Variants in NOMO2 observed in about 807,000 individuals in gnomAD.
NOMO2 encodes NODAL modulator 2, also known as BOS complex subunit NOMO2.
In NOMO2, 14 loss-of-function variants were observed where a neutral mutation model predicts 67.1. The observed-to-expected ratio is 0.21, with a 90% CI of 0.14 to 0.33. The LOEUF (loss-of-function observed/expected upper bound fraction) is 0.33. NOMO2 is among the 10% of genes least tolerant of loss of function. The probability of loss-of-function intolerance (pLI) is 1.00; values close to 1 mark genes in which losing one functional copy is unlikely to be tolerated. For synonymous variants in NOMO2, 80 were observed against 305.9 expected, an observed-to-expected ratio of 0.26 and a Z score of 7.71; for missense variants, 178 against 761.0, an observed-to-expected ratio of 0.23 and a Z score of 9.01.
At chr16:18,538,374 C>A (rs1372604478) in intron 11 of NOMO2, 152 bp downstream of exon 11, 17 of 974,858 alleles carry the variant, frequency 1.7e-5, no homozygotes, top group Non-Finnish European at 2.2e-5. Flanking sequence ...GGCAACAGGG[C>A]AAGACTCTGT....
intron 3 of NOMO2, among the ~76,000 whole-genome samples, chr16:18,553,413 G>A (rs1198346464): frequency 6.6e-6 from 1 of 151,668 alleles, no homozygotes; most frequent in Non-Finnish European, 1.5e-5. Flanking sequence ...GAAAGAAACT[G>A]GATATTAAAA....
intron 1 of NOMO2, among the ~76,000 whole-genome samples, chr16:18,561,650 C>A (rs1381436876): frequency 1.3e-5 from 2 of 150,958 alleles, no homozygotes; most frequent in African/African-American, 4.9e-5. Context: ...TTTGAAGAAC[C>A]TGAGGTCTGG....
At chr16:18,528,775 G>A (rs1901210107) in intron 15 of NOMO2, among the ~76,000 whole-genome samples, 5 of 150,672 alleles carry the variant, frequency 3.3e-5, no homozygotes, top group Admixed American at 3.3e-4. Flanking sequence ...GGCCAACATG[G>A]TGGAACTCTG....
intron 15 of NOMO2, among the ~76,000 whole-genome samples, chr16:18,529,034 T>G (rs1174177240): frequency 5.8e-5 from 2 of 34,228 alleles, no homozygotes; most frequent in Non-Finnish European, 1.1e-4. Flanking sequence ...TATATATATA[T>G]ATATATATCA....
At chr16:18,535,987 C>T (rs1040541978) in intron 11 of NOMO2, among the ~76,000 whole-genome samples, 5 of 152,044 alleles carry the variant, frequency 3.3e-5, no homozygotes, top group Admixed American at 2.6e-4. Context: ...TAGTACAGAC[C>T]GGGTTTCACC....
At chr16:18,533,628 G>A (rs561777484) in intron 11 of NOMO2, 108 of 166,380 alleles carry the variant, frequency 6.5e-4, no homozygotes, top group Middle Eastern at 3.0e-3. Context: ...AAATAAGTCA[G>A]GATTATCAAA....
intron 2 of NOMO2, among the ~76,000 whole-genome samples, chr16:18,555,576 A>T (rs1358028632): frequency 1.3e-5 from 2 of 150,442 alleles, no homozygotes; most frequent in African/African-American, 2.4e-5. Flanking sequence ...ATAAAACTAG[A>T]TTTTACTTAT....
chr16:18,533,931 G>A (rs1038874322), intron 11 of NOMO2: 2 of 151,676 alleles, frequency 1.3e-5, no homozygotes, highest in African/African-American at 4.8e-5. Context: ...AGCAGCTGGT[G>A]TATTAAAGTG....
At chr16:18,526,243 G>C (rs1442322976) in intron 16 of NOMO2, among the ~76,000 whole-genome samples, 1 of 152,114 alleles carries the variant, frequency 6.6e-6, no homozygotes, top group Non-Finnish European at 1.5e-5. Flanking sequence ...CTACCAAGAT[G>C]ACTATAATAA....
At chr16:18,524,621 G>GA in intron 16 of NOMO2, 69 bp from the exon 17 acceptor site, 1 of 1,513,138 alleles carries the variant, frequency 6.6e-7, no homozygotes, top group Non-Finnish European at 9.0e-7. Context: ...TCCGACATCT[G>GA]AAATCGAGTG....
intron 3 of NOMO2, among the ~76,000 whole-genome samples, chr16:18,553,145 C>T (rs1901827781): frequency 1.3e-5 from 2 of 151,656 alleles, no homozygotes; most frequent in Admixed American, 6.6e-5. Context: ...TGTGGTGGTG[C>T]ACAACTGTAA....
chr16:18,560,855 T>C lies in NOMO2; in HGVS notation c.165+1021A>G, dbSNP rs568276621. Among the ~76,000 whole-genome samples, 421 of 151,508 alleles carry C rather than the reference T, an allele frequency of 2.8e-3. 8 individuals are homozygous for C. Among genetic ancestry groups the C allele is most frequent in the African/African-American group, 9.7e-3 (400 of 41,248 alleles). On this transcript the variant is annotated intron_variant, in intron 1 of 30. Transcript: ENST00000622306. The stretch of plus-strand genomic sequence containing the variant: ...GAGCTTCACCCTTCACTGCCAGCCC[T>C]GGAACAGCTCAAAGGTGCTTTCAGA...
chr16:18,560,233 C>G (rs1029334040), intron 1 of NOMO2, among the ~76,000 whole-genome samples: 6 of 151,900 alleles, frequency 3.9e-5, no homozygotes, highest in African/African-American at 1.2e-4. Context: ...ATCTGAATTA[C>G]TTACGAAAGA....
intron 4 of NOMO2, among the ~76,000 whole-genome samples, chr16:18,550,950 G>A (rs941057320): frequency 1.3e-5 from 2 of 151,624 alleles, no homozygotes; most frequent in Non-Finnish European, 2.9e-5. Flanking sequence ...CTGAGGTCAG[G>A]AGTTTGAGAC....
intron 1 of NOMO2, among the ~76,000 whole-genome samples, chr16:18,559,005 G>A (rs1901977507): frequency 6.6e-6 from 1 of 151,520 alleles, no homozygotes; most frequent in South Asian, 2.1e-4. Flanking sequence ...ATCCCTACTA[G>A]AAAAAAAATT....
At chr16:18,553,543 G>A (rs1901837520) in intron 3 of NOMO2, among the ~76,000 whole-genome samples, 1 of 151,390 alleles carries the variant, frequency 6.6e-6, no homozygotes, top group Non-Finnish European at 1.5e-5. Flanking sequence ...TGAGCACCCA[G>A]GATGGGGACT....
At chr16:18,552,686 G>A (rs1318717630) in intron 3 of NOMO2, among the ~76,000 whole-genome samples, 1 of 151,780 alleles carries the variant, frequency 6.6e-6, no homozygotes, top group Non-Finnish European at 1.5e-5. Flanking sequence ...AAAAACTGAC[G>A]ATACCAAGTG....
At chr16:18,537,334 T>A (rs2141730029) in intron 11 of NOMO2, among the ~76,000 whole-genome samples, 1 of 150,244 alleles carries the variant, frequency 6.7e-6, no homozygotes, top group South Asian at 2.1e-4. Context: ...TTGTCGTCTC[T>A]GCTTTCAGAC....
intron 9 of NOMO2, among the ~76,000 whole-genome samples, chr16:18,540,263 C>A (rs1484405722): frequency 1.4e-5 from 2 of 145,078 alleles, no homozygotes; most frequent in African/African-American, 2.5e-5. Context: ...GGTAGTCCTT[C>A]CTGATCTTTC....
Sources: gnomAD v4.1 joint callset for allele counts (sites outside exome capture counted in the v4.1 genomes callset) on GRCh38, gnomAD v4.1.1 for gene constraint, MANE v1.5 for transcripts, NCBI Gene and HGNC (gene_info 2026-07-23, HGNC 2026-07-21) for gene names.